GALNT1: variants seen among roughly 807,000 people sequenced by gnomAD.
The protein encoded by GALNT1 is polypeptide N-acetylgalactosaminyltransferase 1.
Under a neutral mutation model 65.7 loss-of-function variants are expected in GALNT1, and 17 were observed. That is an observed-to-expected ratio of 0.26 (90% CI 0.18 to 0.39). The LOEUF is 0.39. Among genes scored for constraint, GALNT1 ranks in the 10% least tolerant of loss-of-function variants. The pLI is 1.00. For synonymous variants in GALNT1, 210 were observed against 219.7 expected (o/e 0.96, Z 0.39); for missense variants, 460 against 672.8 (o/e 0.68, Z 3.50).
chr18:35,645,231 T>G (rs1358464131), intron 1 of GALNT1, among the ~76,000 whole-genome samples: 9 of 131,758 alleles, frequency 6.8e-5, no homozygotes, highest in East Asian at 6.3e-4. Context: ...TTTTTTTTTT[T>G]TTTTTTTTTT....
chr18:35,688,515 C>T (rs867237473), intron 6 of GALNT1, among the ~76,000 whole-genome samples: 36 of 152,062 alleles, frequency 2.4e-4, no homozygotes, highest in African/African-American at 8.5e-4. Context: ...TTCACATGTT[C>T]CCACTCCCTT....
chr18:35,698,392 C>CT (rs1276590151), intron 9 of GALNT1, among the ~76,000 whole-genome samples: 1 of 152,030 alleles, frequency 6.6e-6, no homozygotes, highest in Non-Finnish European at 1.5e-5. Flanking sequence ...TTGCTTGAAC[C>CT]TTGGGGGTAG....
chr18:35,601,601 G>A (rs565357243), intron 1 of GALNT1, among the ~76,000 whole-genome samples: 130 of 151,962 alleles, frequency 8.6e-4, no homozygotes, highest in Admixed American at 2.4e-3. Flanking sequence ...ATTTTGATAC[G>A]TTGTGTATCC....
At chr18:35,688,344 C>G (rs890082238) in intron 6 of GALNT1, among the ~76,000 whole-genome samples, 1 of 152,150 alleles carries the variant, frequency 6.6e-6, no homozygotes, top group Admixed American at 6.6e-5. Flanking sequence ...TAGGGTTCAT[C>G]TTAAAATATA....
intron 2 of GALNT1, among the ~76,000 whole-genome samples, chr18:35,660,372 T>C (rs1477023861): frequency 1.3e-5 from 2 of 152,090 alleles, no homozygotes; most frequent in Admixed American, 1.3e-4. Flanking sequence ...TTCTTGGTAA[T>C]TACCTTTTCT....
At chr18:35,658,988 G>C (rs568665589) in intron 2 of GALNT1, among the ~76,000 whole-genome samples, 3 of 152,244 alleles carry the variant, frequency 2.0e-5, no homozygotes, top group Admixed American at 2.0e-4. Flanking sequence ...GGGATTACAG[G>C]AGTGAGCTGC....
At chr18:35,639,791 A>G (rs2047137964) in intron 1 of GALNT1, among the ~76,000 whole-genome samples, 1 of 152,048 alleles carries the variant, frequency 6.6e-6, no homozygotes, top group Non-Finnish European at 1.5e-5. Flanking sequence ...ACTTTTAACT[A>G]CTAGATTTCT....
intron 6 of GALNT1, among the ~76,000 whole-genome samples, chr18:35,687,864 TC>T (rs1330024126): frequency 6.6e-6 from 1 of 152,180 alleles, no homozygotes; most frequent in Non-Finnish European, 1.5e-5. Context: ...TATTAAGAGT[TC>T]CTTCAGAACC....
At position 35,677,688 on chromosome 18, in the gene GALNT1, A is replaced by G. The variant is rs1568030550; in HGVS notation, c.412A>G (p.Ser138Gly). The change falls in exon 4 of 12, where the codon AGT (serine) becomes GGT (glycine). Residue 138 changes from serine to glycine, a missense_variant. Transcript: ENST00000269195. ...GAGCACACTTCTGCGAACTGTCCAT[A>G]GTGTCATTAATCGCTCACCAAGACA... Reference protein sequence around the residue: ...AWSTLLRTVHSVINRSPRHMI... With the variant: ...AWSTLLRTVHGVINRSPRHMI... 22 of 1,613,208 alleles carry G rather than the reference A, an allele frequency of 1.4e-5. No homozygotes were observed. The highest frequency in any genetic ancestry group is 1.8e-5 in the Non-Finnish European group (21 of 1,179,396).
At chr18:35,613,100 C>A (rs536563736) in intron 1 of GALNT1, among the ~76,000 whole-genome samples, 1 of 152,272 alleles carries the variant, frequency 6.6e-6, no homozygotes, top group East Asian at 1.9e-4. Context: ...CATTGCAATA[C>A]CTTCTGTGCT....
intron 1 of GALNT1, among the ~76,000 whole-genome samples, chr18:35,620,566 A>G (rs1219810550): frequency 2.6e-5 from 4 of 152,124 alleles, no homozygotes; most frequent in Non-Finnish European, 5.9e-5. Flanking sequence ...CCTCATGCAT[A>G]TTATTCTCTA....
At chr18:35,634,034 A>T (rs191296061) in intron 1 of GALNT1, among the ~76,000 whole-genome samples, 52 of 152,312 alleles carry the variant, frequency 3.4e-4, no homozygotes, top group Non-Finnish European at 6.6e-4. Context: ...CCAAATGACC[A>T]TTTGAGTTCT....
Position 35,675,749 on chromosome 18 carries a change from C to T in GALNT1, c.315-1842C>T, listed in dbSNP as rs115682628. ...TAGCCACCTTGGCTGTTTCCTGCTT[C>T]CCAATTCTACAATAATAATAAGTAG... is the stretch of plus-strand genomic sequence containing the variant. On this transcript the variant is annotated intron_variant, in intron 3 of 11. Transcript: ENST00000269195. 3.0e-3 allele frequency among the ~76,000 whole-genome samples: 458 copies of T among 152,240 alleles called. 1 individual carries two copies. Among genetic ancestry groups the T allele is most frequent in the African/African-American group, 9.9e-3 (413 of 41,540 alleles).
At chr18:35,702,692 C>A in intron 9 of GALNT1, 1 of 354,450 alleles carries the variant, frequency 2.8e-6, no homozygotes, top group Non-Finnish European at 5.1e-6. Flanking sequence ...GGATTTTCCC[C>A]CATAAACACA....
At chr18:35,698,717 G>A (rs146495481) in intron 9 of GALNT1, among the ~76,000 whole-genome samples, 84 of 151,712 alleles carry the variant, frequency 5.5e-4, no homozygotes, top group African/African-American at 1.6e-3. Context: ...GGTGGCTCAC[G>A]CCTGTAATCC....
At chr18:35,665,200 A>G (rs1458072092) in intron 3 of GALNT1, among the ~76,000 whole-genome samples, 1 of 152,346 alleles carries the variant, frequency 6.6e-6, no homozygotes, top group East Asian at 1.9e-4. Context: ...CTATTAAGGT[A>G]GAACACATAA....
At chr18:35,691,472 T>G (rs903859039) in intron 8 of GALNT1, among the ~76,000 whole-genome samples, 1 of 152,202 alleles carries the variant, frequency 6.6e-6, no homozygotes. Context: ...CAACATTTAG[T>G]ATTTATTCCT....
At chr18:35,627,255 G>A (rs773538755) in intron 1 of GALNT1, among the ~76,000 whole-genome samples, 3 of 152,126 alleles carry the variant, frequency 2.0e-5, no homozygotes, top group African/African-American at 7.2e-5. Context: ...AGACATTAAC[G>A]GAACACATTT....
intron 1 of GALNT1, among the ~76,000 whole-genome samples, chr18:35,591,362 G>A (rs2046442164): frequency 6.6e-6 from 1 of 152,206 alleles, no homozygotes; most frequent in Non-Finnish European, 1.5e-5. Context: ...GATAATTGGA[G>A]ATGGGGAAGC....
Sources: gnomAD v4.1 joint callset for allele counts (sites outside exome capture counted in the v4.1 genomes callset) on GRCh38, gnomAD v4.1.1 for gene constraint, MANE v1.5 for transcripts, NCBI Gene and HGNC (gene_info 2026-07-23, HGNC 2026-07-21) for gene names.